Variants in SLC35F1 observed in about 807,000 individuals in gnomAD.
The protein encoded by SLC35F1 is solute carrier family 35 member F1, also known as chromosome 6 open reading frame 169.
A neutral mutation model predicts 48.7 loss-of-function variants in SLC35F1; 14 were observed. The observed-to-expected ratio is 0.29, with a 90% CI of 0.19 to 0.45. The LOEUF (loss-of-function observed/expected upper bound fraction) is 0.45. Among genes scored for constraint, SLC35F1 ranks in the 20% least tolerant of loss-of-function variants. The pLI is 1.00. For missense variants in SLC35F1, 404 were observed against 500.0 expected (o/e 0.81, Z 1.83); for synonymous variants, 190 against 202.2 (o/e 0.94, Z 0.51).
At chr6:118,067,461 A>C (rs931801859) in intron 1 of SLC35F1, among the ~76,000 whole-genome samples, 1 of 152,216 alleles carries the variant, frequency 6.6e-6, no homozygotes, top group Non-Finnish European at 1.5e-5. Context: ...ACATACCACA[A>C]GAAAGCCCCA....
At chr6:118,303,480 CAAGATCT>C (rs1041831797) in intron 7 of SLC35F1, among the ~76,000 whole-genome samples, 2 of 152,200 alleles carry the variant, frequency 1.3e-5, no homozygotes, top group South Asian at 2.1e-4. Flanking sequence ...GCTGTCACTA[CAAGATCT>C]GAGACCTAGG....
intron 1 of SLC35F1, among the ~76,000 whole-genome samples, chr6:117,944,673 A>C (rs1348902197): frequency 4.0e-5 from 6 of 151,720 alleles, no homozygotes; most frequent in Non-Finnish European, 7.4e-5. Flanking sequence ...GATTTGTTTC[A>C]ACTTACTTTA....
At chr6:117,916,391 C>A (rs1775826422) in intron 1 of SLC35F1, among the ~76,000 whole-genome samples, 1 of 152,040 alleles carries the variant, frequency 6.6e-6, no homozygotes, top group South Asian at 2.1e-4. Context: ...CTGGTGCCAG[C>A]CAGATATCCA....
intron 1 of SLC35F1, among the ~76,000 whole-genome samples, chr6:117,954,963 T>G (rs1343300107): frequency 6.6e-6 from 1 of 152,354 alleles, no homozygotes; most frequent in East Asian, 1.9e-4. Flanking sequence ...AAATATTACC[T>G]CATCTATAAT....
rs551885144 is a variant in SLC35F1, at chr6:118,205,941, G to A, written c.350-29568G>A. ...TGAGGTATATAGACTAGGTAAGTTC[G>A]CAGAGACAGAAAGTAGAAGAAAGGT... On this transcript the variant is annotated intron_variant, in intron 2 of 7. Coordinates refer to ENST00000360388, the MANE Select transcript of SLC35F1 (RefSeq NM_001029858.4). 1.1e-4 allele frequency among the ~76,000 whole-genome samples: 16 copies of A among 152,196 alleles called. 1 individual carries two copies. The highest frequency in any genetic ancestry group is 4.2e-4 in the South Asian group (2 of 4,814).
intron 1 of SLC35F1, among the ~76,000 whole-genome samples, chr6:118,142,287 C>T (rs1422445925): frequency 2.0e-5 from 3 of 152,040 alleles, no homozygotes; most frequent in Non-Finnish European, 4.4e-5. Flanking sequence ...ATTTAAGGTA[C>T]ACAACATGAT....
In SLC35F1 at chr6:118,183,433, A is replaced by C. The variant is rs1404890920; in HGVS notation, c.349+28813A>C. Reference sequence around the variant, plus strand: ...TGCAGCACACCAGCATGGCACATGTATACATATGTAACTAACCTGCACATT... The same window carrying C: ...TGCAGCACACCAGCATGGCACATGTCTACATATGTAACTAACCTGCACATT... On this transcript the variant is annotated intron_variant, in intron 2 of 7. Coordinates refer to ENST00000360388, the MANE Select transcript of SLC35F1 (RefSeq NM_001029858.4). Among the ~76,000 whole-genome samples, 5 of 152,168 alleles carry C rather than the reference A, an allele frequency of 3.3e-5. No homozygotes were observed. The East Asian group carries it at 9.6e-4, about 29-fold the overall frequency.
chr6:118,000,828 A>C (rs1042915329), intron 1 of SLC35F1, among the ~76,000 whole-genome samples: 15 of 152,244 alleles, frequency 9.9e-5, no homozygotes, highest in African/African-American at 3.6e-4. Context: ...GAGCCAAATC[A>C]TGAGTGAACT....
intron 2 of SLC35F1, among the ~76,000 whole-genome samples, chr6:118,199,729 T>G (rs1216555186): frequency 1.3e-5 from 2 of 152,176 alleles, no homozygotes; most frequent in Non-Finnish European, 2.9e-5. Flanking sequence ...CCAGACACTA[T>G]TAGTATTTCT....
chr6:118,113,133 C>G (rs1241712347), intron 1 of SLC35F1, among the ~76,000 whole-genome samples: 1 of 152,068 alleles, frequency 6.6e-6, no homozygotes, highest in Non-Finnish European at 1.5e-5. Context: ...CTCTGTCACC[C>G]AGGCTGGAGT....
intron 1 of SLC35F1, among the ~76,000 whole-genome samples, chr6:117,999,743 A>G (rs1260488094): frequency 2.6e-5 from 4 of 151,902 alleles, no homozygotes; most frequent in Non-Finnish European, 4.4e-5. Flanking sequence ...TCAAATAGAC[A>G]CAATAAAAAA....
At chr6:118,311,999 A>G (rs537695550) in intron 7 of SLC35F1, among the ~76,000 whole-genome samples, 4 of 152,168 alleles carry the variant, frequency 2.6e-5, no homozygotes, top group Admixed American at 6.5e-5. Flanking sequence ...ACCACCCTAT[A>G]GTAGGTGTGC....
intron 3 of SLC35F1, among the ~76,000 whole-genome samples, chr6:118,238,259 A>C (rs1775391259): frequency 1.3e-5 from 2 of 152,094 alleles, no homozygotes. Context: ...CTTTCAAATT[A>C]TGAATAACGG....
intron 2 of SLC35F1, among the ~76,000 whole-genome samples, chr6:118,175,225 A>G (rs172239): frequency 0.16 from 25,028 of 152,056 alleles, 5,816 homozygotes; most frequent in African/African-American, 0.52. Context: ...TCAAAGCCTC[A>G]ATTTTCCACT....
At chr6:117,994,727 T>C (rs548753899) in intron 1 of SLC35F1, among the ~76,000 whole-genome samples, 1 of 152,344 alleles carries the variant, frequency 6.6e-6, no homozygotes, top group Non-Finnish European at 1.5e-5. Flanking sequence ...TGTTGACTGG[T>C]GGAATGTCTG....
At chr6:118,235,659 T>C (rs1280341572) in intron 3 of SLC35F1, 23 bp downstream of exon 3, 1 of 1,607,032 alleles carries the variant, frequency 6.2e-7, no homozygotes, top group African/African-American at 1.3e-5. Flanking sequence ...CTTCTTCCCT[T>C]CTCAACTTCC....
intron 2 of SLC35F1, among the ~76,000 whole-genome samples, chr6:118,197,022 CAAA>C (rs59183480): frequency 2.3e-5 from 3 of 127,718 alleles, no homozygotes; most frequent in Non-Finnish European, 3.4e-5. Context: ...CTTGCCACAC[CAAA>C]AAAAAAAAAA....
chr6:118,062,796 A>G (rs1772559626), intron 1 of SLC35F1, among the ~76,000 whole-genome samples: 1 of 152,166 alleles, frequency 6.6e-6, no homozygotes, highest in South Asian at 2.1e-4. Context: ...AAGTTGCTGA[A>G]GTTTAACTAA....
chr6:118,245,440 G>A (rs1582749764), intron 3 of SLC35F1, among the ~76,000 whole-genome samples: 1 of 152,094 alleles, frequency 6.6e-6, no homozygotes, highest in Non-Finnish European at 1.5e-5. Flanking sequence ...ATGTCCCTAG[G>A]GGCAGCTGGC....
Sources: allele counts gnomAD v4.1 joint callset (sites outside exome capture counted in the v4.1 genomes callset), GRCh38; gene constraint gnomAD v4.1.1; transcripts MANE v1.5; gene names NCBI Gene and HGNC (gene_info 2026-07-23, HGNC 2026-07-21).